Variants in MMS22L observed in about 807,000 individuals in gnomAD.
MMS22L encodes protein MMS22-like.
Under a neutral mutation model 159.1 loss-of-function variants are expected in MMS22L, and 74 were observed. The ratio of observed to expected loss-of-function variants is 0.47; its 90% CI spans 0.39 to 0.56. The LOEUF is 0.56. Among genes scored for constraint, MMS22L ranks in the 20% least tolerant of loss-of-function variants. The pLI is 0.00. For synonymous variants in MMS22L, 517 were observed against 506.9 expected (o/e 1.02, Z -0.27); for missense variants, 1,351 against 1,422.1 (o/e 0.95, Z 0.80).
At chr6:97,175,444 G>GT in intron 18 of MMS22L, among the ~76,000 whole-genome samples, 1 of 152,152 alleles carries the variant, frequency 6.6e-6, no homozygotes, top group Non-Finnish European at 1.5e-5. Context: ...TTGACAAGTG[G>GT]TATTTCCTAC....
At chr6:97,235,550 G>A (rs1170241018) in intron 11 of MMS22L, among the ~76,000 whole-genome samples, 1 of 152,198 alleles carries the variant, frequency 6.6e-6, no homozygotes, top group Non-Finnish European at 1.5e-5. Context: ...CATTGCGGAT[G>A]CCAAGAGAAG....
chr6:97,234,455 A>C (rs1013798267), intron 11 of MMS22L, among the ~76,000 whole-genome samples: 2 of 152,160 alleles, frequency 1.3e-5, no homozygotes, highest in South Asian at 2.1e-4. Context: ...ACCTTTTAGG[A>C]GATAACAGGA....
chr6:97,155,125 C>A (rs1801695753), intron 22 of MMS22L, among the ~76,000 whole-genome samples: 1 of 151,766 alleles, frequency 6.6e-6, no homozygotes, highest in Non-Finnish European at 1.5e-5. Context: ...TTTTAAGAAT[C>A]CATTGTGATC....
At position 97,145,027 on chromosome 6, in the gene MMS22L, C is replaced by CACA. The variant is rs1371746785; in HGVS notation, c.*1776_*1778dup. The CACA allele has an allele frequency of 4.2e-5, 5 of 118,884 alleles. No individual in the cohort carries two copies. The allele number at this position is 118,884 out of a possible 1,614,324, so 7.4% of individuals were successfully genotyped here. On this transcript the variant is annotated 3_prime_UTR_variant, in exon 25 of 25. Transcript: ENST00000683635. ...ATCTCCTTTGGAAAAAAAAAACCCA[C>CACA]ACACACACACACACACACACACACA... is the stretch of plus-strand genomic sequence containing the variant.
chr6:97,271,071 G>C (rs553022878), intron 6 of MMS22L: 7 of 152,058 alleles, frequency 4.6e-5, no homozygotes, highest in African/African-American at 1.7e-4. Flanking sequence ...TACCTAGAGA[G>C]TTCTTAAAAA....
At chr6:97,249,670 GGTTA>G (rs1456188647) in intron 10 of MMS22L, among the ~76,000 whole-genome samples, 2 of 150,910 alleles carry the variant, frequency 1.3e-5, no homozygotes, top group Non-Finnish European at 2.9e-5. Context: ...TCAAATCCAA[GGTTA>G]TCTGGCACCA....
At chr6:97,184,573 C>A (rs1275160161) in intron 15 of MMS22L, among the ~76,000 whole-genome samples, 1 of 152,084 alleles carries the variant, frequency 6.6e-6, no homozygotes, top group Non-Finnish European at 1.5e-5. Flanking sequence ...CAGCAAATGG[C>A]TATAGTTACC....
intron 14 of MMS22L, among the ~76,000 whole-genome samples, chr6:97,226,939 A>G (rs1458323585): frequency 6.6e-6 from 1 of 152,116 alleles, no homozygotes; most frequent in African/African-American, 2.4e-5. Flanking sequence ...AGGCATCCAA[A>G]TGTTCCCTGG....
chr6:97,215,981 A>G (rs1240767964), intron 14 of MMS22L, among the ~76,000 whole-genome samples: 2 of 152,204 alleles, frequency 1.3e-5, no homozygotes, highest in African/African-American at 4.8e-5. Context: ...TAAAGAAGAA[A>G]CAATTGAAAT....
At chr6:97,266,444 G>A (rs1210273388) in intron 8 of MMS22L, 1 of 152,220 alleles carries the variant, frequency 6.6e-6, no homozygotes, top group Non-Finnish European at 1.5e-5. Context: ...AATGCATAAA[G>A]AAAATGTGGT....
intron 14 of MMS22L, among the ~76,000 whole-genome samples, chr6:97,188,262 G>A (rs1805459841): frequency 6.6e-6 from 1 of 152,134 alleles, no homozygotes; most frequent in African/African-American, 2.4e-5. Context: ...CTTTTTCAAA[G>A]TATATTGGTT....
At chr6:97,244,624 A>G (rs903703461) in intron 11 of MMS22L, among the ~76,000 whole-genome samples, 3 of 152,184 alleles carry the variant, frequency 2.0e-5, no homozygotes, top group African/African-American at 2.4e-5. Flanking sequence ...CCCGTGCTGG[A>G]TGCTTCCTGC....
rs540414103 is a variant in MMS22L at position 97,173,371 on chromosome 6, T to G, written c.2680-149A>C. 32 of 632,742 alleles carry G rather than the reference T, an allele frequency of 5.1e-5. No homozygotes were observed. The African/African-American group carries it at 5.4e-4, about 11-fold the overall frequency. The allele number at this position is 632,742 out of a possible 1,614,324, so 39.2% of individuals were successfully genotyped here. A position where few individuals can be genotyped will look rare whatever the true frequency, so the allele number is the denominator to read the frequency against. ...TTTGTAACCTTCCAATAAAGAGACA[T>G]AGGAATTAAAACACAAGTAAAAAGA... On this transcript the variant is annotated intron_variant, in intron 18 of 24. Transcript: ENST00000683635.
chr6:97,218,142 A>T (rs1263193351), intron 14 of MMS22L, among the ~76,000 whole-genome samples: 1 of 152,226 alleles, frequency 6.6e-6, no homozygotes, highest in Non-Finnish European at 1.5e-5. Context: ...GAAAATACTA[A>T]GGAAAACACA....
chr6:97,241,289 A>G (rs954759955), intron 11 of MMS22L, among the ~76,000 whole-genome samples: 1 of 152,178 alleles, frequency 6.6e-6, no homozygotes, highest in African/African-American at 2.4e-5. Flanking sequence ...AGTGTTTCAT[A>G]ATGCTTCTTT....
At chr6:97,181,470 A>G (rs1804702124) in intron 16 of MMS22L, among the ~76,000 whole-genome samples, 1 of 152,174 alleles carries the variant, frequency 6.6e-6, no homozygotes, top group Non-Finnish European at 1.5e-5. Flanking sequence ...GTTAAGAGTG[A>G]AAACTCATGA....
intron 14 of MMS22L, among the ~76,000 whole-genome samples, chr6:97,214,003 T>C (rs1176921602): frequency 1.3e-5 from 2 of 152,206 alleles, no homozygotes; most frequent in African/African-American, 4.8e-5. Context: ...AAAATTTGCA[T>C]CTGTTGGATA....
In MMS22L at chr6:97,229,335, C is replaced by G; in HGVS notation, c.1598G>C (p.Ser533Thr). Residue 533 changes from serine to threonine, a missense_variant, in exon 14 of 25, where the codon AGC (serine) becomes ACC (threonine). Physicochemically the swap from Ser to Thr is moderately conservative, Grantham distance 58 (BLOSUM62 1). Transcript: ENST00000683635. ...AACAGCTGCTAACAGTAGAAAAAGGCTAAAAAAGTTCTGTAGACCAACTTC... is the reference window on the plus strand; with the variant it reads ...AACAGCTGCTAACAGTAGAAAAAGGGTAAAAAAGTTCTGTAGACCAACTTC... Reference protein sequence around the residue: ...LTEVGLQNFFSLFLLLAAVAE... With the variant: ...LTEVGLQNFFTLFLLLAAVAE... 6.2e-7 allele frequency: 1 copy of G among 1,612,260 alleles called. No homozygotes were observed. Among genetic ancestry groups the G allele is most frequent in the Non-Finnish European group, 8.5e-7 (1 of 1,179,378 alleles).
At chr6:97,198,355 A>G (rs1306540696) in intron 14 of MMS22L, among the ~76,000 whole-genome samples, 1 of 152,180 alleles carries the variant, frequency 6.6e-6, no homozygotes, top group African/African-American at 2.4e-5. Flanking sequence ...ACATTGAATT[A>G]GAGTTACTTC....
Sources: gnomAD v4.1 joint callset for allele counts (sites outside exome capture counted in the v4.1 genomes callset) on GRCh38, gnomAD v4.1.1 for gene constraint, MANE v1.5 for transcripts, NCBI Gene and HGNC (gene_info 2026-07-23, HGNC 2026-07-21) for gene names.